Variants in SIPA1L3 observed in about 807,000 individuals in gnomAD.
The protein encoded by SIPA1L3 is signal induced proliferation associated 1 like 3.
A neutral mutation model predicts 150.1 loss-of-function variants in SIPA1L3; 59 were observed. That is an observed-to-expected ratio of 0.39 (90% CI 0.32 to 0.49). The LOEUF (loss-of-function observed/expected upper bound fraction) is 0.49. Among genes scored for constraint, SIPA1L3 ranks in the 20% least tolerant of loss-of-function variants. The pLI is 0.86. For synonymous variants in SIPA1L3, 1,070 were observed against 1,077.6 expected (o/e 0.99, Z 0.14); for missense variants, 2,211 against 2,489.5 (o/e 0.89, Z 2.38).
chr19:37,960,577 T>A (rs925696996), intron 1 of SIPA1L3, among the ~76,000 whole-genome samples: 13 of 152,022 alleles, frequency 8.6e-5, no homozygotes, highest in African/African-American at 2.2e-4. Context: ...CTAATTTTTT[T>A]TTTTTATTTT....
intron 6 of SIPA1L3, among the ~76,000 whole-genome samples, chr19:38,105,652 A>G (rs1054508867): frequency 3.3e-5 from 5 of 152,214 alleles, no homozygotes; most frequent in African/African-American, 7.2e-5. Flanking sequence ...CTGCTTTTGC[A>G]TGTCACATGA....
intron 15 of SIPA1L3, among the ~76,000 whole-genome samples, chr19:38,178,723 G>A (rs1040128991): frequency 5.9e-5 from 9 of 152,000 alleles, no homozygotes; most frequent in Non-Finnish European, 8.8e-5. Flanking sequence ...TGATCTGCCC[G>A]TCTTGGCCTC....
At chr19:38,084,587 C>G (rs1233935831) in intron 3 of SIPA1L3, among the ~76,000 whole-genome samples, 2 of 141,330 alleles carry the variant, frequency 1.4e-5, no homozygotes, top group Non-Finnish European at 3.1e-5. Flanking sequence ...GTACTAGCAG[C>G]TAGTACCCCA....
At chr19:37,957,204 C>T (rs552247736) in intron 1 of SIPA1L3, among the ~76,000 whole-genome samples, 5 of 152,166 alleles carry the variant, frequency 3.3e-5, no homozygotes, top group South Asian at 2.1e-4. Flanking sequence ...CTTTAGAAAT[C>T]GGGAAGTGTT....
chr19:38,110,204 CCCCCTCT>C lies in SIPA1L3; in HGVS notation c.2134-22_2134-16del. On this transcript the variant is annotated splice_polypyrimidine_tract_variant and intron_variant, in intron 7 of 21. Transcript: ENST00000222345. ...AGGCCGACCTGTGACAGGTTCCTGTCCCCCTCTGTTGCCCTTTCCCAGCTGCTACGGA... is the reference window on the plus strand; with the variant it reads ...AGGCCGACCTGTGACAGGTTCCTGTCGTTGCCCTTTCCCAGCTGCTACGGA... 1 of 1,611,938 alleles carries C rather than the reference CCCCCTCT, an allele frequency of 6.2e-7. No individual in the cohort carries two copies. The highest frequency in any genetic ancestry group is 8.5e-7 in the Non-Finnish European group (1 of 1,178,414).
chr19:38,074,148 T>C (rs569576954), intron 2 of SIPA1L3, among the ~76,000 whole-genome samples: 1 of 152,196 alleles, frequency 6.6e-6, no homozygotes, highest in South Asian at 2.1e-4. Context: ...AAGAGACCAG[T>C]GTGCACCCTC....
chr19:38,066,242 T>C (rs1969588253), intron 2 of SIPA1L3, among the ~76,000 whole-genome samples: 1 of 152,022 alleles, frequency 6.6e-6, no homozygotes, highest in South Asian at 2.1e-4. Context: ...GGTCTCGAAC[T>C]ACCACCCTCA....
chr19:38,078,512 G>GCA (rs963191103), intron 2 of SIPA1L3, among the ~76,000 whole-genome samples: 31 of 129,656 alleles, frequency 2.4e-4, no homozygotes, highest in Non-Finnish European at 4.6e-4. Flanking sequence ...ACACAGACAT[G>GCA]CACACACACA....
chr19:38,186,340 T>C (rs1417031584), intron 16 of SIPA1L3: 1 of 151,996 alleles, frequency 6.6e-6, no homozygotes, highest in Non-Finnish European at 1.5e-5. Context: ...TGAGATGGAG[T>C]GTTGCTCTGT....
At chr19:38,112,189 G>A (rs879896557) in intron 8 of SIPA1L3, among the ~76,000 whole-genome samples, 1 of 150,422 alleles carries the variant, frequency 6.6e-6, no homozygotes, top group Admixed American at 6.6e-5. Flanking sequence ...ACACATACAT[G>A]CACTCACACA....
At chr19:37,986,367 T>C (rs1399614633) in intron 1 of SIPA1L3, among the ~76,000 whole-genome samples, 1 of 152,244 alleles carries the variant, frequency 6.6e-6, no homozygotes, top group Non-Finnish European at 1.5e-5. Flanking sequence ...GATGGCTTTC[T>C]CTTTCCTCTA....
chr19:38,066,040 G>A (rs920797025), intron 2 of SIPA1L3, among the ~76,000 whole-genome samples: 6 of 146,502 alleles, frequency 4.1e-5, no homozygotes, highest in East Asian at 2.0e-4. Flanking sequence ...TTGAGGCAAC[G>A]TCTTGCTCTG....
intron 1 of SIPA1L3, among the ~76,000 whole-genome samples, chr19:37,975,982 G>A (rs1253455841): frequency 1.3e-5 from 2 of 152,064 alleles, no homozygotes; most frequent in Admixed American, 6.5e-5. Flanking sequence ...GCGGGCGCCA[G>A]TAATCTCAGC....
At chr19:37,986,343 T>A (rs1282184396) in intron 1 of SIPA1L3, among the ~76,000 whole-genome samples, 2 of 152,230 alleles carry the variant, frequency 1.3e-5, no homozygotes, top group Non-Finnish European at 2.9e-5. Context: ...CCTTCCAATT[T>A]TAACTCGAGG....
At chr19:38,122,892 G>A (rs1166406039) in intron 9 of SIPA1L3, among the ~76,000 whole-genome samples, 1 of 152,104 alleles carries the variant, frequency 6.6e-6, no homozygotes, top group Non-Finnish European at 1.5e-5. Flanking sequence ...ATCTAAGATT[G>A]CACACCCCCT....
At chr19:38,076,035 A>G (rs992181031) in intron 2 of SIPA1L3, among the ~76,000 whole-genome samples, 1 of 150,550 alleles carries the variant, frequency 6.6e-6, no homozygotes, top group Non-Finnish European at 1.5e-5. Flanking sequence ...CAGCCACTCC[A>G]GAGGCTGAGG....
intron 1 of SIPA1L3, among the ~76,000 whole-genome samples, chr19:37,926,396 G>A (rs1277652347): frequency 2.6e-5 from 4 of 152,212 alleles, no homozygotes; most frequent in Non-Finnish European, 5.9e-5. Context: ...GGCTTTCTGC[G>A]TCTTGGTGCC....
chr19:37,961,998 GTTATT>G (rs901993690), intron 1 of SIPA1L3, among the ~76,000 whole-genome samples: 16 of 151,670 alleles, frequency 1.1e-4, no homozygotes, highest in Non-Finnish European at 1.8e-4. Flanking sequence ...TTCTTTAAAT[GTTATT>G]TTATTTATCT....
chr19:38,017,657 C>T (rs1388975211), intron 1 of SIPA1L3, among the ~76,000 whole-genome samples: 2 of 151,966 alleles, frequency 1.3e-5, no homozygotes, highest in Non-Finnish European at 2.9e-5. Context: ...TCCTGAGTAG[C>T]TGGACTACAA....
Sources: allele counts gnomAD v4.1 joint callset (sites outside exome capture counted in the v4.1 genomes callset), GRCh38; gene constraint gnomAD v4.1.1; transcripts MANE v1.5; gene names NCBI Gene and HGNC (gene_info 2026-07-23, HGNC 2026-07-21).